The following ZNF185 variants were observed in gnomAD, a reference collection of about 807,000 sequenced individuals.
ZNF185 encodes zinc finger protein 185 with LIM domain.
A neutral mutation model predicts 58.6 loss-of-function variants in ZNF185; 56 were observed. The ratio of observed to expected loss-of-function variants is 0.95; its 90% CI spans 0.77 to 1.19. The LOEUF (loss-of-function observed/expected upper bound fraction) is 1.19. Among genes scored for constraint, ZNF185 ranks in the 50% most tolerant of loss-of-function variants. ZNF185 has a pLI of 0.00. For missense variants in ZNF185, 627 were observed against 573.5 expected (o/e 1.09, Z -0.95); for synonymous variants, 230 against 215.9 (o/e 1.07, Z -0.57).
chrX:152,921,759 C>T (rs982255523), intron 9 of ZNF185, among the ~76,000 whole-genome samples: 3 of 110,822 alleles, frequency 2.7e-5, no homozygotes, highest in African/African-American at 6.6e-5. Flanking sequence ...TGGTGTTCCT[C>T]GGCTTGTACC....
Position 152,918,155 on chromosome X carries a change from G to T in ZNF185, c.431+1G>T, listed in dbSNP as rs782581745. Reference sequence around the variant, plus strand: ...TGACCACTGAGGATTACAAGAAGCTGTGAGTATGCAACGCCAGGCTCAGCG... The same window carrying T: ...TGACCACTGAGGATTACAAGAAGCTTTGAGTATGCAACGCCAGGCTCAGCG... On this transcript the variant is annotated splice_donor_variant, in intron 6 of 22. Coordinates refer to ENST00000449285, the Ensembl canonical transcript of ZNF185. LOFTEE classifies it high-confidence loss of function. The T allele has an allele frequency of 1.7e-6, 2 of 1,189,801 alleles. No individual in the cohort carries two copies. The highest frequency in any genetic ancestry group is 1.1e-6 in the Non-Finnish European group (1 of 884,034).
At chrX:152,962,941 C>T (rs182837384) in intron 17 of ZNF185, among the ~76,000 whole-genome samples, 4 of 113,125 alleles carry the variant, frequency 3.5e-5, no homozygotes, top group African/African-American at 1.3e-4. Context: ...GGGACAATAC[C>T]CAGTAGCCTG....
At chrX:152,964,255 C>T (rs2049878922) in intron 18 of ZNF185, among the ~76,000 whole-genome samples, 1 of 112,801 alleles carries the variant, frequency 8.9e-6, no homozygotes, top group African/African-American at 3.2e-5. Flanking sequence ...CAGCTCCAGT[C>T]CGTGAAGGCC....
chrX:152,910,153 C>G (rs1461129523), upstream of ZNF185, among the ~76,000 whole-genome samples: 2 of 111,080 alleles, frequency 1.8e-5, no homozygotes, highest in African/African-American at 6.6e-5. Flanking sequence ...GGTGATCCAC[C>G]CACCTTGGCC....
At chrX:152,902,057 G>T in the ZNF185 span, among the ~76,000 whole-genome samples, 1 of 112,426 alleles carries the variant, frequency 8.9e-6, no homozygotes. Flanking sequence ...GCAGGGAGGT[G>T]GGTCCAGGCC....
intron 15 of ZNF185, among the ~76,000 whole-genome samples, chrX:152,940,344 A>C (rs1251826603): frequency 2.0e-5 from 2 of 101,833 alleles, no homozygotes; most frequent in African/African-American, 7.3e-5. Context: ...TGAGGTATAC[A>C]TTAGTTAGGT....
At chrX:152,938,864 A>AC (rs2046729286) in intron 15 of ZNF185, among the ~76,000 whole-genome samples, 1 of 103,319 alleles carries the variant, frequency 9.7e-6, no homozygotes, top group African/African-American at 3.7e-5. Context: ...TGAGGAGGGT[A>AC]CTACTTAGGT....
In ZNF185 at chrX:152,936,470, A is replaced by C. The variant is rs868992065; in HGVS notation, c.1122-1604A>C. ...TTTCCTGGAAGACCAGGATGGGCAC[A>C]GTGCCAACTCTCAGTCCTGCAAGCC... is the stretch of plus-strand genomic sequence containing the variant. On this transcript the variant is annotated intron_variant, in intron 14 of 22. Transcript: ENST00000449285. The C allele has an allele frequency of 6.0e-6, 7 of 1,166,782 alleles. No homozygotes were observed. The Middle Eastern group carries it at 1.6e-3, about 272-fold the overall frequency.
chrX:152,898,634 G>A, the ZNF185 span, among the ~76,000 whole-genome samples: 6 of 112,622 alleles, frequency 5.3e-5, no homozygotes, highest in Non-Finnish European at 1.1e-4. Context: ...TATAGATGAG[G>A]AAACTGAGAC....
chrX:152,943,665 A>C (rs896990106), intron 15 of ZNF185, among the ~76,000 whole-genome samples: 5 of 113,016 alleles, frequency 4.4e-5, no homozygotes, highest in Non-Finnish European at 7.5e-5. Flanking sequence ...AGGAAAGAAG[A>C]AGCCTTGTTC....
chrX:152,956,555 A>G (rs2048854002), intron 16 of ZNF185, among the ~76,000 whole-genome samples: 1 of 111,644 alleles, frequency 9.0e-6, no homozygotes, highest in African/African-American at 3.3e-5. Context: ...CCTGGCCAAC[A>G]TGGTGAAACC....
At chrX:152,963,801 C>T (rs782791225) in intron 17 of ZNF185, 38 bp from the exon 20 acceptor site, 56 of 1,169,755 alleles carry the variant, frequency 4.8e-5, no homozygotes, top group Non-Finnish European at 6.1e-5. Flanking sequence ...TGTCAGCTCC[C>T]AGGTTGACGT....
the ZNF185 span, among the ~76,000 whole-genome samples, chrX:152,901,500 A>G: frequency 9.0e-6 from 1 of 110,588 alleles, no homozygotes; most frequent in Non-Finnish European, 1.9e-5. Context: ...CGAATCGTGC[A>G]GAGAACTCCT....
chrX:152,911,623 C>A (rs1482292771), upstream of ZNF185, among the ~76,000 whole-genome samples: 3 of 40,281 alleles, frequency 7.4e-5, no homozygotes, highest in African/African-American at 3.9e-4. Context: ...CACCCCACCC[C>A]GCCCCATCCC....
At position 152,938,069 on chromosome X, in the gene ZNF185, C is replaced by G. The variant is rs782744521; in HGVS notation, c.1122-5C>G. 2.2e-5 allele frequency: 26 copies of G among 1,172,968 alleles called. No individual in the cohort carries two copies. In the East Asian group the frequency reaches 6.4e-4, roughly 29 times the overall value. ...ATCTCAGCAGGCCTGTGTTTCCTTC[C>G]TCAGCTCCAGTGCCACTTCAGTCTC... On this transcript the variant is annotated splice_region_variant and splice_polypyrimidine_tract_variant and intron_variant, in intron 14 of 22. Transcript: ENST00000449285.
At chrX:152,909,904 CTT>C (rs1223634856), upstream of ZNF185, among the ~76,000 whole-genome samples, 8 of 90,228 alleles carry the variant, frequency 8.9e-5, no homozygotes, top group Admixed American at 2.4e-4. Context: ...GGCATCAACT[CTT>C]TTTTTTTTTT....
chrX:152,920,805 C>T (rs1192777312), intron 9 of ZNF185, 57 bp downstream of exon 10: 22 of 1,158,218 alleles, frequency 1.9e-5, no homozygotes, highest in Admixed American at 2.2e-5. Flanking sequence ...GAAGGCCTTC[C>T]GTCAGCAGGG....
At chrX:152,952,879 T>G (rs184445977) in intron 16 of ZNF185, among the ~76,000 whole-genome samples, 2 of 103,787 alleles carry the variant, frequency 1.9e-5, no homozygotes, top group East Asian at 6.0e-4. Flanking sequence ...ACAGAATGAG[T>G]GCCATAGGGG....
chrX:152,920,696 T>G lies in ZNF185; in HGVS notation c.615-11T>G, dbSNP rs1253448505. 26 of 1,211,979 alleles carry G rather than the reference T, an allele frequency of 2.1e-5. No individual in the cohort carries two copies. The highest frequency in any genetic ancestry group is 2.9e-5 in the Non-Finnish European group (26 of 895,435). ...TCTGCCCAAAGCATTGCCTTTCTGC[T>G]TCCTTTCCAGCAGTCCTACCCAGGA... On this transcript the variant is annotated splice_polypyrimidine_tract_variant and intron_variant, in intron 8 of 22. Coordinates refer to ENST00000449285, the Ensembl canonical transcript of ZNF185.
Sources: allele counts gnomAD v4.1 joint callset (sites outside exome capture counted in the v4.1 genomes callset), GRCh38; gene constraint gnomAD v4.1.1; transcripts MANE v1.5; gene names NCBI Gene and HGNC (gene_info 2026-07-23, HGNC 2026-07-21).